METTL15: variants seen among roughly 807,000 people sequenced by gnomAD.
METTL15 encodes the protein methyltransferase 15, mitochondrial 12S rRNA N4-cytidine.
METTL15 carries 34 observed loss-of-function variants against 38.3 expected under a neutral mutation model. The observed-to-expected ratio is 0.89, with a 90% CI of 0.68 to 1.18. The LOEUF (loss-of-function observed/expected upper bound fraction) is 1.18, where lower values mean the gene tolerates loss of function less well. Among genes scored for constraint, METTL15 ranks in the 50% most tolerant of loss-of-function variants. METTL15 has a pLI of 0.00. For synonymous variants in METTL15, 162 were observed against 170.9 expected, an observed-to-expected ratio of 0.95 and a Z score of 0.41; for missense variants, 438 against 498.4, an observed-to-expected ratio of 0.88 and a Z score of 1.15.
chr11:28,198,389 C>G (rs1851985694), intron 3 of METTL15, among the ~76,000 whole-genome samples: 1 of 151,868 alleles, frequency 6.6e-6, no homozygotes, highest in South Asian at 2.1e-4. Context: ...GAAGGACATA[C>G]TTTAAAAGAA....
At chr11:28,317,706 A>G (rs2134039578) in intron 6 of METTL15, among the ~76,000 whole-genome samples, 2 of 152,330 alleles carry the variant, frequency 1.3e-5, no homozygotes, top group Middle Eastern at 3.4e-3. Flanking sequence ...AATGAAGTAT[A>G]TCTTACTACT....
chr11:28,411,516 G>A (rs992568332), intron 5 of METTL15, among the ~76,000 whole-genome samples: 3 of 151,882 alleles, frequency 2.0e-5, no homozygotes, highest in African/African-American at 2.4e-5. Flanking sequence ...AATAATGTTG[G>A]GAAAACTGTA....
At chr11:28,124,954 T>C (rs1852411027) in intron 3 of METTL15, among the ~76,000 whole-genome samples, 1 of 152,110 alleles carries the variant, frequency 6.6e-6, no homozygotes, top group Non-Finnish European at 1.5e-5. Flanking sequence ...GTAGAAAAAC[T>C]TGATTTTTCT....
chr11:28,149,010 T>C (rs1430016136), intron 3 of METTL15, among the ~76,000 whole-genome samples: 2 of 151,940 alleles, frequency 1.3e-5, no homozygotes, highest in African/African-American at 4.8e-5. Flanking sequence ...GGTACCACAT[T>C]GTTTAGCAGT....
chr11:28,522,208 T>G (rs1851770540), intron 6 of METTL15, among the ~76,000 whole-genome samples: 1 of 152,146 alleles, frequency 6.6e-6, no homozygotes, highest in African/African-American at 2.4e-5. Flanking sequence ...AGTCTAAAAT[T>G]GATATGTGTA....
intron 6 of METTL15, among the ~76,000 whole-genome samples, chr11:28,312,187 G>A (rs1436272768): frequency 1.3e-5 from 2 of 152,160 alleles, no homozygotes; most frequent in African/African-American, 4.8e-5. Context: ...CTGTAAGCTT[G>A]GAATTTGACA....
chr11:28,254,482 A>G (rs759720726), intron 4 of METTL15, among the ~76,000 whole-genome samples: 1 of 151,976 alleles, frequency 6.6e-6, no homozygotes. Context: ...AAGCTTTTTA[A>G]CTTGATATGA....
At chr11:28,393,160 A>G (rs954557879) in intron 5 of METTL15, among the ~76,000 whole-genome samples, 1 of 152,134 alleles carries the variant, frequency 6.6e-6, no homozygotes, top group African/African-American at 2.4e-5. Context: ...TGATCCTTCA[A>G]TCTTACTTTT....
intron 5 of METTL15, among the ~76,000 whole-genome samples, chr11:28,383,696 C>T (rs1030349520): frequency 5.9e-5 from 9 of 152,058 alleles, no homozygotes. Flanking sequence ...TTTTGATTTG[C>T]ATTTCTCTAA....
intron 4 of METTL15, among the ~76,000 whole-genome samples, chr11:28,221,654 C>T (rs548692884): frequency 6.6e-6 from 1 of 152,298 alleles, no homozygotes; most frequent in African/African-American, 2.4e-5. Context: ...TCCAGTTTTT[C>T]TGCTCTGTTT....
At chr11:28,156,564 A>T (rs946961753) in intron 3 of METTL15, among the ~76,000 whole-genome samples, 5 of 152,158 alleles carry the variant, frequency 3.3e-5, no homozygotes, top group Non-Finnish European at 7.4e-5. Context: ...GTTTTAAGTC[A>T]CTTTTGTTTT....
At chr11:28,274,456 G>C (rs1426621809) in intron 4 of METTL15, among the ~76,000 whole-genome samples, 2 of 151,890 alleles carry the variant, frequency 1.3e-5, no homozygotes, top group Non-Finnish European at 2.9e-5. Flanking sequence ...GTACTTTTCA[G>C]CAGCATTGTC....
At chr11:28,373,279 C>G (rs1424647716) in intron 5 of METTL15, among the ~76,000 whole-genome samples, 1 of 151,856 alleles carries the variant, frequency 6.6e-6, no homozygotes, top group African/African-American at 2.4e-5. Context: ...CTCTCCAGCA[C>G]CTGTTGTTTC....
intron 3 of METTL15, among the ~76,000 whole-genome samples, chr11:28,347,859 T>A (rs985572455): frequency 3.9e-5 from 6 of 152,250 alleles, no homozygotes; most frequent in African/African-American, 1.2e-4. Context: ...TCCTAACATC[T>A]CTAAGCAGAA....
At chr11:28,163,416 T>A (rs1850540487) in intron 3 of METTL15, 1 of 398,084 alleles carries the variant, frequency 2.5e-6, no homozygotes, top group Non-Finnish European at 4.4e-6. Flanking sequence ...GCCCTGCTTT[T>A]GCTGTCATTT....
chr11:28,153,446 C>G (rs564207100), intron 3 of METTL15, among the ~76,000 whole-genome samples: 1 of 151,976 alleles, frequency 6.6e-6, no homozygotes, highest in Admixed American at 6.6e-5. Flanking sequence ...ATTTTTGATC[C>G]TTGGTTAGTT....
At position 28,217,901 on chromosome 11, in the gene METTL15, C is replaced by T. The variant is rs538944831; in HGVS notation, c.407+6703C>T. ...CGGCATTTTTTCTGAGGGCTCTATT[C>T]GGTTCCTTTGGTCTATATCTCTGTT... On this transcript the variant is annotated intron_variant, in intron 4 of 6. Coordinates refer to ENST00000407364, the MANE Select transcript of METTL15 (RefSeq NM_001113528.2). Among the ~76,000 whole-genome samples the T allele has an allele frequency of 5.8e-4, 88 of 152,176 alleles. 1 individual carries two copies. The highest frequency in any genetic ancestry group is 2.1e-3 in the African/African-American group (86 of 41,528).
intron 4 of METTL15, among the ~76,000 whole-genome samples, chr11:28,250,094 T>G (rs181015193): frequency 1.2e-4 from 18 of 152,222 alleles, no homozygotes; most frequent in Admixed American, 1.2e-3. Flanking sequence ...TTGGTCTATA[T>G]GTACTGCATT....
chr11:28,315,610 C>G (rs1441722838), intron 6 of METTL15, among the ~76,000 whole-genome samples: 3 of 152,124 alleles, frequency 2.0e-5, no homozygotes, highest in Non-Finnish European at 4.4e-5. Context: ...GAAGCCAATC[C>G]CCAAGACAAT....
Sources: gnomAD v4.1 joint callset for allele counts (sites outside exome capture counted in the v4.1 genomes callset) on GRCh38, gnomAD v4.1.1 for gene constraint, MANE v1.5 for transcripts, NCBI Gene and HGNC (gene_info 2026-07-23, HGNC 2026-07-21) for gene names.